The following PIK3C2A variants were observed in gnomAD, a reference collection of about 807,000 sequenced individuals.
PIK3C2A encodes the protein phosphatidylinositol 4-phosphate 3-kinase C2 domain-containing subunit alpha.
A neutral mutation model predicts 204.5 loss-of-function variants in PIK3C2A; 97 were observed. That is an observed-to-expected ratio of 0.47 (90% CI 0.40 to 0.56). The LOEUF (loss-of-function observed/expected upper bound fraction) is 0.56, where lower values mean the gene tolerates loss of function less well. PIK3C2A is among the 20% of genes least tolerant of loss of function. The pLI is 0.00. For synonymous variants in PIK3C2A, 653 were observed against 664.4 expected (o/e 0.98, Z 0.26); for missense variants, 1,735 against 1,969.2 (o/e 0.88, Z 2.25).
chr11:17,172,037 T>C (rs1851186995), intron 1 of PIK3C2A, among the ~76,000 whole-genome samples: 1 of 152,232 alleles, frequency 6.6e-6, no homozygotes, highest in Non-Finnish European at 1.5e-5. Context: ...AGTATTCACT[T>C]TGAAATTCTT....
intron 1 of PIK3C2A, among the ~76,000 whole-genome samples, chr11:17,203,535 T>C (rs538976911): frequency 6.6e-6 from 1 of 152,274 alleles, no homozygotes; most frequent in Non-Finnish European, 1.5e-5. Context: ...AGTATGACCA[T>C]AATTCTCATC....
intron 1 of PIK3C2A, among the ~76,000 whole-genome samples, chr11:17,174,144 G>C (rs1295935786): frequency 6.6e-6 from 1 of 152,026 alleles, no homozygotes; most frequent in African/African-American, 2.4e-5. Context: ...GTTTTAACAA[G>C]AGGGAGTGAG....
At chr11:17,118,376 AT>A (rs1224224250) in intron 18 of PIK3C2A, among the ~76,000 whole-genome samples, 1 of 152,134 alleles carries the variant, frequency 6.6e-6, no homozygotes, top group African/African-American at 2.4e-5. Flanking sequence ...CTTGGCCTCA[AT>A]TTTTGATAAC....
chr11:17,144,844 G>A (rs1210352904), intron 8 of PIK3C2A, among the ~76,000 whole-genome samples: 7 of 132,518 alleles, frequency 5.3e-5, no homozygotes, highest in African/African-American at 1.4e-4. Flanking sequence ...GCAGAGAGCC[G>A]AGATCGTGCC....
At chr11:17,152,702 T>C (rs962898494) in intron 3 of PIK3C2A, among the ~76,000 whole-genome samples, 1 of 152,148 alleles carries the variant, frequency 6.6e-6, no homozygotes, top group Non-Finnish European at 1.5e-5. Flanking sequence ...GGCTCTACAG[T>C]TCAGGAAATT....
At chr11:17,178,717 T>TC (rs1428881272) in intron 1 of PIK3C2A, among the ~76,000 whole-genome samples, 1 of 38,214 alleles carries the variant, frequency 2.6e-5, no homozygotes, top group African/African-American at 7.8e-5. Flanking sequence ...TTTTGAATTT[T>TC]TTTTTTTTTT....
At chr11:17,135,070 G>C (rs373460000) in intron 10 of PIK3C2A, 41 bp from the exon 11 acceptor site, 1 of 1,611,926 alleles carries the variant, frequency 6.2e-7, no homozygotes, top group African/African-American at 1.3e-5. Context: ...TCTCTGAAAA[G>C]GCGATGATTA....
chr11:17,091,523 C>T (rs1565233215), intron 31 of PIK3C2A, 24 bp downstream of exon 31: 6 of 1,608,622 alleles, frequency 3.7e-6, no homozygotes, highest in Non-Finnish European at 3.4e-6. Context: ...TCCTCTACAA[C>T]CATCATTCTT....
Position 17,150,497 on chromosome 11 carries a change from C to T in PIK3C2A, c.1327+1G>A. On this transcript the variant is annotated splice_donor_variant, in intron 4 of 32. Transcript: ENST00000691414. LOFTEE classifies it high-confidence loss of function. Reference sequence around the variant, plus strand: ...AGAGGCTTGAGGAACCATAAACCTACCATCACACGTAAAAGTAACTGGTAG... The same window carrying T: ...AGAGGCTTGAGGAACCATAAACCTATCATCACACGTAAAAGTAACTGGTAG... The T allele has an allele frequency of 6.3e-7, 1 of 1,599,190 alleles. No individual in the cohort carries two copies. The highest frequency in any genetic ancestry group is 8.5e-7 in the Non-Finnish European group (1 of 1,173,570).
chr11:17,168,970 C>T lies in PIK3C2A; in HGVS notation c.772G>A (p.Val258Ile). 6.2e-7 allele frequency: 1 copy of T among 1,613,918 alleles called. No individual in the cohort carries two copies. The highest frequency in any genetic ancestry group is 1.1e-5 in the South Asian group (1 of 91,012). Residue 258 changes from valine to isoleucine, a missense_variant, in exon 2 of 33, where the codon GTA becomes ATA. Val to Ile is a conservative substitution (Grantham distance 29, BLOSUM62 3). Coordinates refer to ENST00000691414, the MANE Select transcript of PIK3C2A (RefSeq NM_002645.4). ...ITDSKVSNLQ[V>I]SPKSEDISKF... ...CTGATATCCTCAGACTTTGGAGATA[C>T]CTGTAGATTGCTGACTTTTGAATCT...
rs771855262 is a variant in PIK3C2A, at chr11:17,088,976, A to AT, written c.*761dup. 6.6e-6 allele frequency: 1 copy of AT among 152,194 alleles called. No individual in the cohort carries two copies. The highest frequency in any genetic ancestry group is 1.5e-5 in the Non-Finnish European group (1 of 68,040). The allele number at this position is 152,194 out of a possible 1,614,324, so 9.4% of individuals were successfully genotyped here. A position where few individuals can be genotyped will look rare whatever the true frequency, so the allele number is the denominator to read the frequency against. ...CTAATTCATACATCAGAAGTAAAGG[A>AT]TTTTTTTGTGGGAAAAACATTAGTA... On this transcript the variant is annotated 3_prime_UTR_variant, in exon 33 of 33. Coordinates refer to ENST00000691414, the MANE Select transcript of PIK3C2A (RefSeq NM_002645.4).
chr11:17,196,611 C>A (rs1852167190), intron 1 of PIK3C2A, among the ~76,000 whole-genome samples: 1 of 152,008 alleles, frequency 6.6e-6, no homozygotes, highest in Non-Finnish European at 1.5e-5. Flanking sequence ...GCTCTGTCAC[C>A]CAGCCTGGAG....
At chr11:17,164,386 T>G (rs1850881300) in intron 2 of PIK3C2A, among the ~76,000 whole-genome samples, 1 of 152,022 alleles carries the variant, frequency 6.6e-6, no homozygotes, top group Admixed American at 6.6e-5. Context: ...AACTTCAGTT[T>G]CCTTACTGGT....
At chr11:17,134,773 T>A in intron 11 of PIK3C2A, 46 bp downstream of exon 11, 1 of 1,416,548 alleles carries the variant, frequency 7.1e-7, no homozygotes, top group Middle Eastern at 1.8e-4. Flanking sequence ...AGCCTTGGGA[T>A]TACAGGTGCA....
chr11:17,142,781 G>A (rs1850108470), intron 8 of PIK3C2A, among the ~76,000 whole-genome samples: 1 of 152,120 alleles, frequency 6.6e-6, no homozygotes, highest in Admixed American at 6.5e-5. Flanking sequence ...TCAGGATCAT[G>A]GAAGTCCTTG....
chr11:17,097,015 A>C, intron 27 of PIK3C2A, 42 bp downstream of exon 27: 1 of 1,141,560 alleles, frequency 8.8e-7, no homozygotes. Flanking sequence ...GGACAACAAT[A>C]ATACATGCAT....
rs1195625190 is a variant in PIK3C2A, at chr11:17,155,551, C to T, written c.1144G>A (p.Ala382Thr). ...QEVEVQNEEM[A>T]AFCRSITKLK... ...TTTGTAATGGATCGACAAAAAGCTG[C>T]CATCTCCTCATTCTGTACTTCAACT... Residue 382 changes from alanine to threonine, a missense_variant, in exon 3 of 33, where the codon GCA becomes ACA. Around this residue, in one of 6 missense-constraint regions of PIK3C2A, gnomAD observed 536 missense variants for 546.7 expected, o/e 0.98. Coordinates refer to ENST00000691414, the MANE Select transcript of PIK3C2A (RefSeq NM_002645.4). 2 of 1,599,606 alleles carry T rather than the reference C, an allele frequency of 1.3e-6. No individual in the cohort carries two copies. Among genetic ancestry groups the T allele is most frequent in the Admixed American group, 1.7e-5 (1 of 59,886 alleles).
chr11:17,177,865 G>A (rs1171389954), intron 1 of PIK3C2A, among the ~76,000 whole-genome samples: 1 of 152,164 alleles, frequency 6.6e-6, no homozygotes. Context: ...GGCCAAGGCA[G>A]GTGGATCACC....
At position 17,150,615 on chromosome 11, in the gene PIK3C2A, G is replaced by C. The variant is rs529451388; in HGVS notation, c.1210C>G (p.Pro404Ala). The C allele has an allele frequency of 1.7e-5, 27 of 1,608,576 alleles. No homozygotes were observed. In the South Asian group the frequency reaches 2.7e-4, roughly 16 times the overall value. Residue 404 changes from proline to alanine, a missense_variant, in exon 4 of 33, where the codon CCA (proline) becomes GCA (alanine). Physicochemically the swap from Pro to Ala is conservative, Grantham distance 27. This residue lies in a region of PIK3C2A where 536 missense variants were observed against 546.7 expected (regional missense o/e 0.98). Transcript: ENST00000691414. Reference sequence around the variant, plus strand: ...GTGACTGGACTTAACAAATAGCCTGGGTTTGTGCGGTGATTGGTATATGGA... The same window carrying C: ...GTGACTGGACTTAACAAATAGCCTGCGTTTGTGCGGTGATTGGTATATGGA... ...KFPYTNHRTN[P>A]GYLLSPVTAQ...
Sources: allele counts gnomAD v4.1 joint callset (sites outside exome capture counted in the v4.1 genomes callset), GRCh38; gene constraint gnomAD v4.1.1; regional missense constraint gnomAD v4.1.1; transcripts MANE v1.5; gene names NCBI Gene and HGNC (gene_info 2026-07-23, HGNC 2026-07-21).